The following MAGI2 variants were observed in gnomAD, a reference collection of about 807,000 sequenced individuals.
MAGI2 encodes membrane associated guanylate kinase, WW and PDZ domain containing 2.
In MAGI2, 35 loss-of-function variants were observed where a neutral mutation model predicts 133.3. The observed-to-expected ratio is 0.26, with a 90% CI of 0.20 to 0.35. MAGI2 has a LOEUF of 0.35. Ranked by LOEUF, MAGI2 falls within the 10% of genes least tolerant of loss-of-function variation. The pLI is 1.00. For synonymous variants in MAGI2, 729 were observed against 710.6 expected (o/e 1.03, Z -0.41); for missense variants, 1,636 against 1,863.4 (o/e 0.88, Z 2.25).
chr7:78,668,201 G>T (rs994452407), intron 2 of MAGI2, among the ~76,000 whole-genome samples: 10 of 152,136 alleles, frequency 6.6e-5, no homozygotes, highest in African/African-American at 2.4e-4. Context: ...CTTTTGAGAA[G>T]TGTCTGTTCA....
At position 79,377,876 on chromosome 7, in the gene MAGI2, T is replaced by G. The variant is rs564060082; in HGVS notation, c.301+75144A>C. Reference sequence around the variant, plus strand: ...ATATGTAGGTCGAATACAGGTCACTTTTAGCTTTCCTCATCCTCACAGAAA... The same window carrying G: ...ATATGTAGGTCGAATACAGGTCACTGTTAGCTTTCCTCATCCTCACAGAAA... On this transcript the variant is annotated intron_variant, in intron 1 of 21. Coordinates refer to ENST00000354212, the MANE Select transcript of MAGI2 (RefSeq NM_012301.4). Among the ~76,000 whole-genome samples, 40 of 151,888 alleles carry G rather than the reference T, an allele frequency of 2.6e-4. No homozygotes were observed. In the South Asian group the frequency reaches 5.8e-3, roughly 22 times the overall value.
At chr7:78,812,124 T>C (rs947245580) in intron 2 of MAGI2, among the ~76,000 whole-genome samples, 18 of 152,104 alleles carry the variant, frequency 1.2e-4, no homozygotes, top group African/African-American at 3.6e-4. Context: ...AAATAGATTT[T>C]CTCCCAGATC....
At chr7:79,362,311 CAA>C (rs1227289143) in intron 1 of MAGI2, among the ~76,000 whole-genome samples, 6 of 151,934 alleles carry the variant, frequency 3.9e-5, no homozygotes. Context: ...TGCAAACTAC[CAA>C]ACTCAACCAA....
At chr7:78,100,385 T>C (rs544613928) in intron 20 of MAGI2, among the ~76,000 whole-genome samples, 4 of 152,304 alleles carry the variant, frequency 2.6e-5, no homozygotes, top group Non-Finnish European at 4.4e-5. Context: ...AGGAACTCAC[T>C]CTGTCACCCA....
At chr7:78,673,944 C>T (rs1335696383) in intron 2 of MAGI2, among the ~76,000 whole-genome samples, 1 of 152,108 alleles carries the variant, frequency 6.6e-6, no homozygotes, top group Admixed American at 6.6e-5. Flanking sequence ...TCACTTTGCT[C>T]TTATTGGACA....
At chr7:79,015,170 A>C (rs745379301) in intron 1 of MAGI2, among the ~76,000 whole-genome samples, 1 of 152,226 alleles carries the variant, frequency 6.6e-6, no homozygotes, top group Non-Finnish European at 1.5e-5. Context: ...AAGCCAGGTC[A>C]GGCCAGCCAT....
chr7:78,512,006 C>T (rs1292095897), intron 4 of MAGI2, among the ~76,000 whole-genome samples: 1 of 151,810 alleles, frequency 6.6e-6, no homozygotes, highest in African/African-American at 2.4e-5. Flanking sequence ...ACCTGCAGTC[C>T]CAGCTACTAG....
intron 1 of MAGI2, among the ~76,000 whole-genome samples, chr7:79,158,516 T>C (rs79645956): frequency 2.2e-4 from 34 of 152,226 alleles, no homozygotes; most frequent in African/African-American, 7.7e-4. Flanking sequence ...TGTGGTTTTA[T>C]GTATTCCTGC....
intron 12 of MAGI2, among the ~76,000 whole-genome samples, chr7:78,187,877 T>C (rs1340939453): frequency 6.6e-6 from 1 of 152,214 alleles, no homozygotes; most frequent in East Asian, 1.9e-4. Context: ...TGGTCTCATA[T>C]TAATTCATGA....
At chr7:78,838,509 AGTGTGTGT>A (rs34844201) in intron 2 of MAGI2, among the ~76,000 whole-genome samples, 4 of 147,856 alleles carry the variant, frequency 2.7e-5, no homozygotes, top group East Asian at 4.0e-4. Flanking sequence ...TATGTGTGTG[AGTGTGTGT>A]GTGTGTGTGT....
chr7:79,433,087 G>A lies in MAGI2; in HGVS notation c.301+19933C>T, dbSNP rs1847883557. Among the ~76,000 whole-genome samples the A allele has an allele frequency of 1.3e-5, 2 of 152,120 alleles. 1 individual carries two copies. Among genetic ancestry groups the A allele is most frequent in the South Asian group, 4.1e-4 (2 of 4,828 alleles). On this transcript the variant is annotated intron_variant, in intron 1 of 21. Coordinates refer to ENST00000354212, the MANE Select transcript of MAGI2 (RefSeq NM_012301.4). ...GAGAGAACCTTTAAATTGGATGCAA[G>A]GTTAAAGTTTGTCTTCGGAACAGAC...
intron 21 of MAGI2, among the ~76,000 whole-genome samples, chr7:78,075,782 G>A (rs1054211542): frequency 2.0e-5 from 3 of 152,098 alleles, no homozygotes; most frequent in Admixed American, 2.0e-4. Context: ...GGCCCCATCT[G>A]CCCACCCATC....
chr7:78,902,117 G>C (rs950247418), intron 2 of MAGI2, among the ~76,000 whole-genome samples: 7 of 152,026 alleles, frequency 4.6e-5, no homozygotes, highest in Non-Finnish European at 7.4e-5. Context: ...CTTTATAGTT[G>C]TTATTTGTAT....
intron 9 of MAGI2, among the ~76,000 whole-genome samples, chr7:78,263,953 C>A (rs921992005): frequency 3.9e-5 from 6 of 152,082 alleles, no homozygotes; most frequent in Non-Finnish European, 8.8e-5. Context: ...TCCTTCTCTC[C>A]TTGCTTTGTC....
chr7:78,201,018 A>G, intron 11 of MAGI2, 144 bp downstream of exon 11: 1 of 579,164 alleles, frequency 1.7e-6, no homozygotes, highest in Non-Finnish European at 3.0e-6. Flanking sequence ...GATACAAGAC[A>G]AAAGGACACA....
intron 3 of MAGI2, among the ~76,000 whole-genome samples, chr7:78,523,348 C>T (rs1048521412): frequency 3.3e-5 from 5 of 151,658 alleles, no homozygotes; most frequent in South Asian, 2.1e-4. Flanking sequence ...GATAATTGCC[C>T]GACGCCCGTA....
At chr7:79,285,784 C>A (rs1034747581) in intron 1 of MAGI2, among the ~76,000 whole-genome samples, 4 of 152,054 alleles carry the variant, frequency 2.6e-5, no homozygotes, top group Admixed American at 2.0e-4. Flanking sequence ...TACTCTCTCC[C>A]AAAGAGAGGT....
At chr7:78,765,450 G>A (rs1824929979) in intron 2 of MAGI2, among the ~76,000 whole-genome samples, 2 of 143,294 alleles carry the variant, frequency 1.4e-5, no homozygotes, top group African/African-American at 5.2e-5. Context: ...CCGGGTTCAA[G>A]CAATTCTGCT....
At chr7:78,671,699 C>T (rs1814414507) in intron 2 of MAGI2, among the ~76,000 whole-genome samples, 1 of 152,158 alleles carries the variant, frequency 6.6e-6, no homozygotes. Flanking sequence ...AATGTAAACA[C>T]AGCTAAAACC....
Sources: gnomAD v4.1 joint callset for allele counts (sites outside exome capture counted in the v4.1 genomes callset) on GRCh38, gnomAD v4.1.1 for gene constraint, MANE v1.5 for transcripts, NCBI Gene and HGNC (gene_info 2026-07-23, HGNC 2026-07-21) for gene names.